APPBP2: variants seen among roughly 807,000 people sequenced by gnomAD.
APPBP2 encodes amyloid protein-binding protein 2.
Under a neutral mutation model 76.0 loss-of-function variants are expected in APPBP2, and 15 were observed. The ratio of observed to expected loss-of-function variants is 0.20; its 90% CI spans 0.13 to 0.30. APPBP2 has a LOEUF of 0.30. Ranked by LOEUF, APPBP2 falls within the 10% of genes least tolerant of loss-of-function variation. The probability of loss-of-function intolerance (pLI) is 1.00; values close to 1 mark genes in which losing one functional copy is unlikely to be tolerated. For missense variants in APPBP2, 401 were observed against 687.2 expected (o/e 0.58, Z 4.66); for synonymous variants, 222 against 242.2 (o/e 0.92, Z 0.77).
intron 1 of APPBP2, among the ~76,000 whole-genome samples, chr17:60,510,229 C>T (rs1188843577): frequency 6.6e-6 from 1 of 151,614 alleles, no homozygotes; most frequent in African/African-American, 2.4e-5. Flanking sequence ...GTAGCAAGAC[C>T]CCCAACTCCA....
intron 3 of APPBP2, among the ~76,000 whole-genome samples, chr17:60,490,121 AGTGATG>A (rs2090714948): frequency 6.6e-6 from 1 of 152,224 alleles, no homozygotes; most frequent in Admixed American, 6.5e-5. Context: ...GTATCTTGAT[AGTGATG>A]GTGGTTGTAC....
chr17:60,481,231 T>G (rs2090625920), intron 3 of APPBP2, among the ~76,000 whole-genome samples: 1 of 152,210 alleles, frequency 6.6e-6, no homozygotes, highest in African/African-American at 2.4e-5. Context: ...TTCTCACAGC[T>G]GCTTTGTCCA....
chr17:60,518,354 CGTGCGTGT>C (rs1567943584), intron 1 of APPBP2, among the ~76,000 whole-genome samples: 2 of 71,712 alleles, frequency 2.8e-5, no homozygotes, highest in Non-Finnish European at 4.6e-5. Context: ...GCCGTGTGTG[CGTGCGTGT>C]GTGTGTGTGT....
intron 1 of APPBP2, among the ~76,000 whole-genome samples, chr17:60,516,024 G>A (rs1212289280): frequency 6.6e-6 from 1 of 152,126 alleles, no homozygotes; most frequent in African/African-American, 2.4e-5. Context: ...AAATTAGCCA[G>A]GTGTGGTGGC....
chr17:60,493,937 T>C (rs2090752286), intron 3 of APPBP2, among the ~76,000 whole-genome samples: 1 of 152,160 alleles, frequency 6.6e-6, no homozygotes. Flanking sequence ...CATGCCCAGC[T>C]CTATCACATA....
rs189936952 is a variant in APPBP2, at chr17:60,526,015, C to G, written c.-84G>C. 3 of 1,342,536 alleles carry G rather than the reference C, an allele frequency of 2.2e-6. No individual in the cohort carries two copies. The highest frequency in any genetic ancestry group is 1.4e-5 in the South Asian group (1 of 71,140). The allele number at this position is 1,342,536 out of a possible 1,614,324, so 83.2% of individuals were successfully genotyped here. On this transcript the variant is annotated 5_prime_UTR_variant, in exon 1 of 13. Coordinates refer to ENST00000083182, the MANE Select transcript of APPBP2 (RefSeq NM_006380.5). Reference sequence around the variant, plus strand: ...TCCGTAGCGAACCCCTCTGCGGCCCCGGAGGATTCGGAGGGGCGGTGGCAG... The same window carrying G: ...TCCGTAGCGAACCCCTCTGCGGCCCGGGAGGATTCGGAGGGGCGGTGGCAG...
intron 6 of APPBP2, chr17:60,462,665 T>C (rs956065568): frequency 2.0e-5 from 3 of 152,248 alleles, no homozygotes; most frequent in Admixed American, 2.0e-4. Flanking sequence ...AATATAAATC[T>C]TGTGGCCGGG....
intron 3 of APPBP2, among the ~76,000 whole-genome samples, chr17:60,488,960 T>C (rs376154275): frequency 2.7e-5 from 4 of 150,504 alleles, no homozygotes; most frequent in East Asian, 4.0e-4. Context: ...CGGTGGCTCA[T>C]GCCTGTAATC....
chr17:60,489,769 C>T (rs1400094259), intron 3 of APPBP2, among the ~76,000 whole-genome samples: 2 of 152,300 alleles, frequency 1.3e-5, no homozygotes, highest in African/African-American at 4.8e-5. Flanking sequence ...GGTGCAGTGG[C>T]TCACGCCTAT....
chr17:60,476,844 G>T (rs1489739697), intron 4 of APPBP2, among the ~76,000 whole-genome samples: 1 of 152,170 alleles, frequency 6.6e-6, no homozygotes, highest in Non-Finnish European at 1.5e-5. Flanking sequence ...CTCCCAAAGT[G>T]CTAGGATTAC....
chr17:60,474,972 G>A (rs2090578744), intron 4 of APPBP2, among the ~76,000 whole-genome samples: 1 of 152,194 alleles, frequency 6.6e-6, no homozygotes, highest in African/African-American at 2.4e-5. Context: ...GCTCACGTCT[G>A]TAATCCCAGC....
chr17:60,521,763 T>G (rs1355990709), intron 1 of APPBP2, among the ~76,000 whole-genome samples: 2 of 151,272 alleles, frequency 1.3e-5, no homozygotes, highest in African/African-American at 4.9e-5. Flanking sequence ...GTTAACTTTC[T>G]TAAAACATTA....
chr17:60,514,029 G>T (rs905526527), intron 1 of APPBP2, among the ~76,000 whole-genome samples: 1 of 144,800 alleles, frequency 6.9e-6, no homozygotes, highest in Non-Finnish European at 1.5e-5. Flanking sequence ...ACACAGCCAG[G>T]CATGGTGGCT....
At position 60,443,309 on chromosome 17, in the gene APPBP2, T is replaced by C. The variant is rs1464540369; in HGVS notation, c.*4272A>G. 1 of 152,574 alleles carries C rather than the reference T, an allele frequency of 6.6e-6. No individual in the cohort carries two copies. Among genetic ancestry groups the C allele is most frequent in the East Asian group, 1.9e-4 (1 of 5,206 alleles). 9.5% of individuals were successfully genotyped at this position (152,574 alleles called of 1,614,324 possible). A position where few individuals can be genotyped will look rare whatever the true frequency, so the allele number is the denominator to read the frequency against. ...AAGTTGGTGAGAATGATATGAAAGG[T>C]CATCCTGACACAATGAAGAACCGTC... On this transcript the variant is annotated 3_prime_UTR_variant, in exon 13 of 13. Coordinates refer to ENST00000083182, the MANE Select transcript of APPBP2 (RefSeq NM_006380.5).
At chr17:60,513,187 A>G in intron 1 of APPBP2, 1 of 362,742 alleles carries the variant, frequency 2.8e-6, no homozygotes. Flanking sequence ...CTGCCAAGAC[A>G]GCAGTGCAAG....
intron 1 of APPBP2, among the ~76,000 whole-genome samples, chr17:60,518,143 C>T (rs2090977800): frequency 6.6e-6 from 1 of 151,538 alleles, no homozygotes; most frequent in African/African-American, 2.4e-5. Context: ...CTGCAACCTC[C>T]GCATCCTGGG....
intron 1 of APPBP2, among the ~76,000 whole-genome samples, chr17:60,523,621 G>A (rs2091027752): frequency 6.6e-6 from 1 of 152,180 alleles, no homozygotes. Flanking sequence ...TTGAGCCCAG[G>A]AGTTCAAGAC....
chr17:60,490,796 T>C (rs1208408669), intron 3 of APPBP2, among the ~76,000 whole-genome samples: 1 of 152,176 alleles, frequency 6.6e-6, no homozygotes, highest in Non-Finnish European at 1.5e-5. Context: ...TATAAGGGGT[T>C]TCCCCTTTCA....
At chr17:60,512,253 C>A (rs1277812163) in intron 1 of APPBP2, among the ~76,000 whole-genome samples, 1 of 151,914 alleles carries the variant, frequency 6.6e-6, no homozygotes, top group African/African-American at 2.4e-5. Flanking sequence ...CAAGTGCCCA[C>A]CACCACGCCC....
Sources: allele counts gnomAD v4.1 joint callset (sites outside exome capture counted in the v4.1 genomes callset), GRCh38; gene constraint gnomAD v4.1.1; transcripts MANE v1.5; gene names NCBI Gene and HGNC (gene_info 2026-07-23, HGNC 2026-07-21).